The following CEP126 variants were observed in gnomAD, a reference collection of about 807,000 sequenced individuals.
The protein encoded by CEP126 is centrosomal protein of 126 kDa.
A neutral mutation model predicts 107.8 loss-of-function variants in CEP126; 74 were observed. That is an observed-to-expected ratio of 0.69 (90% CI 0.57 to 0.83). CEP126 has a LOEUF of 0.83. Ranked by LOEUF, CEP126 falls within the 40% of genes least tolerant of loss-of-function variation. The pLI, the probability that CEP126 is intolerant of heterozygous loss-of-function variation, is 0.00. For missense variants in CEP126, 1,237 were observed against 1,281.9 expected, an observed-to-expected ratio of 0.96 and a Z score of 0.53; for synonymous variants, 449 against 446.0, an observed-to-expected ratio of 1.01 and a Z score of -0.08.
At chr11:101,974,935 A>T (rs999503583) in intron 6 of CEP126, among the ~76,000 whole-genome samples, 2 of 152,220 alleles carry the variant, frequency 1.3e-5, no homozygotes, top group Admixed American at 1.3e-4. Flanking sequence ...AAGAAGTACA[A>T]AAGTGACTTC....
chr11:101,928,340 C>T (rs370543838), intron 2 of CEP126, among the ~76,000 whole-genome samples: 6 of 152,148 alleles, frequency 3.9e-5, no homozygotes, highest in African/African-American at 1.2e-4. Context: ...CATAGAGTCT[C>T]TTCCGGAGCA....
chr11:101,969,009 G>A (rs1941092479), intron 6 of CEP126, among the ~76,000 whole-genome samples: 1 of 151,900 alleles, frequency 6.6e-6, no homozygotes, highest in Non-Finnish European at 1.5e-5. Context: ...TTAATTATTT[G>A]ACTTATTTTG....
chr11:101,997,605 A>C lies in CEP126; in HGVS notation c.3316A>C (p.Arg1106=), dbSNP rs372009978. Residue 1106 remains arginine, a synonymous_variant, in exon 11 of 11, where the codon AGA becomes CGA. Coordinates refer to ENST00000263468, the MANE Select transcript of CEP126 (RefSeq NM_020802.4). The part of the protein sequence containing the change: ...TLQIIPLLEK[R]EDRTSSCRDK... ...TCTTCTTTCTGATTTCCAGGAGAAG[A>C]GAGAAGATAGAACCAGCAGCTGCAG... The C allele has an allele frequency of 1.4e-5, 22 of 1,613,956 alleles. No homozygotes were observed. The highest frequency in any genetic ancestry group is 1.9e-5 in the Non-Finnish European group (22 of 1,180,002).
At chr11:101,946,227 C>A (rs902146180) in intron 3 of CEP126, among the ~76,000 whole-genome samples, 29 of 152,094 alleles carry the variant, frequency 1.9e-4, no homozygotes, top group African/African-American at 7.0e-4. Flanking sequence ...TAATCACGGC[C>A]AGCCGAGGTG....
At chr11:101,941,682 T>C (rs548568500) in intron 2 of CEP126, among the ~76,000 whole-genome samples, 5 of 152,258 alleles carry the variant, frequency 3.3e-5, no homozygotes, top group African/African-American at 1.2e-4. Context: ...TATCATATGG[T>C]AATTCTATGT....
At chr11:101,956,558 T>A (rs1940895281) in intron 4 of CEP126, 1 of 456,354 alleles carries the variant, frequency 2.2e-6, no homozygotes, top group South Asian at 1.5e-5. Context: ...TACTTCCACA[T>A]CCTTTTCTTC....
At chr11:101,920,177 A>C (rs1647258998) in intron 1 of CEP126, among the ~76,000 whole-genome samples, 1 of 152,252 alleles carries the variant, frequency 6.6e-6, no homozygotes, top group African/African-American at 2.4e-5. Flanking sequence ...GTTAAATAGC[A>C]ACACAAAAGA....
chr11:101,948,416 T>C (rs779480110), intron 4 of CEP126, among the ~76,000 whole-genome samples: 1 of 152,194 alleles, frequency 6.6e-6, no homozygotes, highest in Non-Finnish European at 1.5e-5. Context: ...TTTTTAAATA[T>C]TGATATTGAT....
At chr11:101,959,663 C>G (rs1017829323) in intron 5 of CEP126, among the ~76,000 whole-genome samples, 4 of 151,924 alleles carry the variant, frequency 2.6e-5, no homozygotes, top group Non-Finnish European at 5.9e-5. Flanking sequence ...CAAATATTTT[C>G]AAGGAATTAA....
At chr11:101,920,423 T>C (rs1940305064) in intron 1 of CEP126, among the ~76,000 whole-genome samples, 1 of 152,198 alleles carries the variant, frequency 6.6e-6, no homozygotes, top group African/African-American at 2.4e-5. Flanking sequence ...ACAATCTTGA[T>C]TAAATGCAGC....
At chr11:101,929,312 C>G (rs1048913223) in intron 2 of CEP126, among the ~76,000 whole-genome samples, 1 of 152,188 alleles carries the variant, frequency 6.6e-6, no homozygotes, top group Non-Finnish European at 1.5e-5. Flanking sequence ...TTTTCATACT[C>G]TATTATGAGA....
chr11:101,985,252 G>A (rs1228057584), intron 8 of CEP126, among the ~76,000 whole-genome samples: 1 of 150,996 alleles, frequency 6.6e-6, no homozygotes, highest in Non-Finnish European at 1.5e-5. Context: ...CTTCAGGTAT[G>A]TGTATAAGGT....
chr11:101,983,864 T>A (rs931893879), intron 8 of CEP126, among the ~76,000 whole-genome samples: 2 of 152,186 alleles, frequency 1.3e-5, no homozygotes, highest in Non-Finnish European at 2.9e-5. Flanking sequence ...CCTCACTGAT[T>A]TCAAGGAGTG....
At chr11:101,937,935 T>C (rs1291115876) in intron 2 of CEP126, among the ~76,000 whole-genome samples, 1 of 151,002 alleles carries the variant, frequency 6.6e-6, no homozygotes, top group Non-Finnish European at 1.5e-5. Flanking sequence ...GGGTGGATCA[T>C]GAGGTCAGGA....
intron 3 of CEP126, among the ~76,000 whole-genome samples, chr11:101,946,030 G>A (rs1405739960): frequency 6.6e-6 from 1 of 152,074 alleles, no homozygotes; most frequent in Non-Finnish European, 1.5e-5. Flanking sequence ...AAAGTAAGTA[G>A]ACTAGTAGGA....
chr11:101,983,654 G>A (rs555351554), intron 8 of CEP126, among the ~76,000 whole-genome samples: 4 of 152,286 alleles, frequency 2.6e-5, no homozygotes, highest in Admixed American at 6.5e-5. Context: ...CAAGGTCATC[G>A]CTGATGAATA....
intron 2 of CEP126, among the ~76,000 whole-genome samples, chr11:101,940,605 G>C (rs1426397723): frequency 6.6e-6 from 1 of 152,168 alleles, no homozygotes. Context: ...GCTGTGGTTG[G>C]TGTTATCTGA....
chr11:101,948,680 T>C (rs1389483383), intron 4 of CEP126, among the ~76,000 whole-genome samples: 1 of 152,146 alleles, frequency 6.6e-6, no homozygotes. Context: ...CATTTATTTA[T>C]TCCAAACATT....
chr11:101,980,829 G>T (rs1348218785), intron 7 of CEP126, among the ~76,000 whole-genome samples: 5 of 152,202 alleles, frequency 3.3e-5, no homozygotes, highest in Admixed American at 2.6e-4. Flanking sequence ...GAGGGTTTCA[G>T]TCCAAGGTAT....
Sources: gnomAD v4.1 joint callset for allele counts (sites outside exome capture counted in the v4.1 genomes callset) on GRCh38, gnomAD v4.1.1 for gene constraint, MANE v1.5 for transcripts, NCBI Gene and HGNC (gene_info 2026-07-23, HGNC 2026-07-21) for gene names.